The following FLACC1 variants were observed in gnomAD, a reference collection of about 807,000 sequenced individuals.
FLACC1 encodes the protein flagellum associated containing coiled-coil domains 1, also known as flagellum-associated coiled-coil domain-containing protein 1.
Under a neutral mutation model 62.8 loss-of-function variants are expected in FLACC1, and 66 were observed. The ratio of observed to expected loss-of-function variants is 1.05; its 90% CI spans 0.86 to 1.29. The LOEUF (loss-of-function observed/expected upper bound fraction) is 1.29. FLACC1 is among the 50% of genes most tolerant of loss of function. The pLI, the probability that FLACC1 is intolerant of heterozygous loss-of-function variation, is 0.00. For missense variants in FLACC1, 452 were observed against 489.1 expected (o/e 0.92, Z 0.71); for synonymous variants, 156 against 161.0 (o/e 0.97, Z 0.24).
chr2:201,329,407 C>T (rs1950550973), intron 9 of FLACC1, among the ~76,000 whole-genome samples: 1 of 152,166 alleles, frequency 6.6e-6, no homozygotes, highest in African/African-American at 2.4e-5. Context: ...GAACTTAAAA[C>T]AGAACTACCA....
chr2:201,317,300 CT>C (rs1950324654), intron 9 of FLACC1, among the ~76,000 whole-genome samples: 1 of 152,156 alleles, frequency 6.6e-6, no homozygotes, highest in South Asian at 2.1e-4. Flanking sequence ...CTACAAAACC[CT>C]AAAGATTCCT....
intron 7 of FLACC1, among the ~76,000 whole-genome samples, chr2:201,339,782 G>C (rs1369899083): frequency 6.6e-6 from 1 of 152,134 alleles, no homozygotes; most frequent in African/African-American, 2.4e-5. Context: ...TTGGGCCCCA[G>C]GGTGGCATAT....
At chr2:201,338,031 G>T (rs1335718182) in intron 7 of FLACC1, among the ~76,000 whole-genome samples, 2 of 152,164 alleles carry the variant, frequency 1.3e-5, no homozygotes, top group African/African-American at 4.8e-5. Flanking sequence ...CCATAAGCAT[G>T]GGTGAAATGT....
At chr2:201,310,759 C>T (rs1445524292) in intron 9 of FLACC1, among the ~76,000 whole-genome samples, 1 of 151,770 alleles carries the variant, frequency 6.6e-6, no homozygotes, top group Non-Finnish European at 1.5e-5. Flanking sequence ...GAACTAACCC[C>T]AAAGCTAGGA....
At chr2:201,344,901 A>G (rs927500722) in intron 5 of FLACC1, among the ~76,000 whole-genome samples, 4 of 152,238 alleles carry the variant, frequency 2.6e-5, no homozygotes, top group Non-Finnish European at 5.9e-5. Context: ...ACCACTTTGC[A>G]TGTCTAACTG....
rs1950918438 is a variant in FLACC1, at chr2:201,346,554, C to A, written c.356G>T (p.Gly119Val). The A allele has an allele frequency of 6.2e-7, 1 of 1,613,866 alleles. No homozygotes were observed. Among genetic ancestry groups the A allele is most frequent in the African/African-American group, 1.3e-5 (1 of 74,908 alleles). ...KRWESEIPDK[G>V]RFSRTNIISD... ...GCAACAGCATTACCTGGAAAATCTG[C>A]CTTTGTCCGGGATCTCCGATTCCCA... The change falls in exon 5 of 15, where the codon GGC (glycine) becomes GTC (valine). Residue 119 changes from glycine (G) to valine (V), a missense_variant. Physicochemically the swap from Gly to Val is moderately radical, Grantham distance 109 (BLOSUM62 -3). This residue lies in a region of FLACC1 where 147 missense variants were observed against 152.7 expected (regional missense o/e 0.96). Transcript: ENST00000392257. The surrounding 1 kb of genome is among the most constrained non-coding windows in gnomAD (Gnocchi z 4.0).
At chr2:201,339,006 T>C (rs1033120185) in intron 7 of FLACC1, among the ~76,000 whole-genome samples, 3 of 151,296 alleles carry the variant, frequency 2.0e-5, no homozygotes, top group Non-Finnish European at 4.4e-5. Context: ...TTCTCCTTTA[T>C]ATGTTTGGTA....
At chr2:201,303,235 T>C (rs1192246766) in intron 11 of FLACC1, among the ~76,000 whole-genome samples, 1 of 151,840 alleles carries the variant, frequency 6.6e-6, no homozygotes, top group Non-Finnish European at 1.5e-5. Flanking sequence ...CAATAAAAAA[T>C]GATAAAGGGG....
chr2:201,324,931 C>A (rs1950474410), intron 9 of FLACC1, among the ~76,000 whole-genome samples: 1 of 152,020 alleles, frequency 6.6e-6, no homozygotes, highest in Admixed American at 6.6e-5. Flanking sequence ...AGTTTGAGAC[C>A]AGGCTGGCCA....
At chr2:201,344,899 G>T (rs1378630649) in intron 5 of FLACC1, among the ~76,000 whole-genome samples, 3 of 152,200 alleles carry the variant, frequency 2.0e-5, no homozygotes, top group African/African-American at 4.8e-5. Context: ...CAACCACTTT[G>T]CATGTCTAAC....
the FLACC1 span, among the ~76,000 whole-genome samples, chr2:201,364,090 TCA>T: frequency 2.6e-5 from 4 of 152,152 alleles, no homozygotes; most frequent in Non-Finnish European, 5.9e-5. Context: ...AAGTATATAC[TCA>T]GTCACATTGG....
At chr2:201,363,637 G>C in the FLACC1 span, among the ~76,000 whole-genome samples, 2 of 151,782 alleles carry the variant, frequency 1.3e-5, no homozygotes, top group African/African-American at 2.4e-5. Context: ...CTTGGTATGG[G>C]GGGCCCTCTC....
At chr2:201,311,786 A>G (rs1176448324) in intron 9 of FLACC1, among the ~76,000 whole-genome samples, 2 of 152,152 alleles carry the variant, frequency 1.3e-5, no homozygotes, top group Admixed American at 6.5e-5. Context: ...ACGTGAATCC[A>G]TAAATGTGAT....
In FLACC1 at chr2:201,288,529, A is replaced by C. The variant is rs700636; in HGVS notation, c.*126T>G. The C allele has an allele frequency of 0.54, 627,819 of 1,170,716 alleles. 175,952 individuals carry two copies. Among genetic ancestry groups the C allele is most frequent in the Non-Finnish European group, 0.59 (496,843 of 846,512 alleles). The allele number at this position is 1,170,716 out of a possible 1,614,324, so 72.5% of individuals were successfully genotyped here. A position where few individuals can be genotyped will look rare whatever the true frequency, so the allele number is the denominator to read the frequency against. On this transcript the variant is annotated 3_prime_UTR_variant, in exon 15 of 15. Coordinates refer to ENST00000392257, the MANE Select transcript of FLACC1 (RefSeq NM_001127391.3). ...AATTCAAACATTTTCAGACATTCAG[A>C]GAGTCAGAGCAACCCAAGAACTAAA...
Position 201,288,760 on chromosome 2 carries a change from A to G in FLACC1, c.1164T>C (p.Asn388=), listed in dbSNP as rs963718274. 6.2e-7 allele frequency: 1 copy of G among 1,613,728 alleles called. No homozygotes were observed. Among genetic ancestry groups the G allele is most frequent in the African/African-American group, 1.3e-5 (1 of 75,050 alleles). The change falls in exon 15 of 15, where the codon AAT becomes AAC. Residue 388 remains asparagine (N), a synonymous_variant. Coordinates refer to ENST00000392257, the MANE Select transcript of FLACC1 (RefSeq NM_001127391.3). ...CAGAACATCCTTCACAAATTTCTTC[A>G]TTCTTAGAAATTATCTTTTGCCTGT... The part of the protein sequence containing the change: ...IHLKQKIISK[N]EEICEGCSGR...
chr2:201,320,216 G>A (rs6718928), intron 9 of FLACC1, among the ~76,000 whole-genome samples: 12,883 of 152,282 alleles, frequency 0.085, 738 homozygotes, highest in Non-Finnish European at 0.13. Context: ...GGCAGTGGTC[G>A]CAGGTTGAAA....
intron 7 of FLACC1, among the ~76,000 whole-genome samples, chr2:201,338,143 T>C (rs1006672673): frequency 6.6e-6 from 1 of 152,222 alleles, no homozygotes. Context: ...TCCTAGATAT[T>C]TTATTTTATG....
chr2:201,294,710 T>C (rs1949819334), intron 12 of FLACC1, among the ~76,000 whole-genome samples: 1 of 152,244 alleles, frequency 6.6e-6, no homozygotes, highest in African/African-American at 2.4e-5. Context: ...GGTATTCAAT[T>C]AGGAAAAGAG....
In FLACC1 at chr2:201,288,559, T is replaced by G; in HGVS notation, c.*96A>C. The stretch of plus-strand genomic sequence containing the variant: ...CAGAGCAACCCAAGAACTAAACTCA[T>G]TATATGCATTTTCTCAAGAAAACCC... On this transcript the variant is annotated 3_prime_UTR_variant, in exon 15 of 15. Transcript: ENST00000392257. 6.9e-7 allele frequency: 1 copy of G among 1,453,326 alleles called. No individual in the cohort carries two copies. Among genetic ancestry groups the G allele is most frequent in the Non-Finnish European group, 9.3e-7 (1 of 1,071,172 alleles). 90.0% of individuals were successfully genotyped at this position (1,453,326 alleles called of 1,614,324 possible).
Sources: allele counts gnomAD v4.1 joint callset (sites outside exome capture counted in the v4.1 genomes callset), GRCh38; gene constraint gnomAD v4.1.1; regional missense constraint gnomAD v4.1.1; non-coding constraint Gnocchi (gnomAD v3.1); transcripts MANE v1.5; gene names NCBI Gene and HGNC (gene_info 2026-07-23, HGNC 2026-07-21).